Variants in OR52N5 observed in about 807,000 individuals in gnomAD.
OR52N5 encodes olfactory receptor 52N5.
In OR52N5, 10 loss-of-function variants were observed where a neutral mutation model predicts 14.1. The ratio of observed to expected loss-of-function variants is 0.71; its 90% confidence interval spans 0.44 to 1.20. The LOEUF is 1.20. OR52N5 is among the 50% of genes most tolerant of loss of function. The pLI, the probability that OR52N5 is intolerant of heterozygous loss-of-function variation, is 0.00. For synonymous variants in OR52N5, 116 were observed against 143.0 expected, an observed-to-expected ratio of 0.81 and a Z score of 1.35; for missense variants, 361 against 403.2, an observed-to-expected ratio of 0.90 and a Z score of 0.90.
chr11:5,777,477 G>T lies in OR52N5; in HGVS notation c.*183C>A. On this transcript the variant is annotated 3_prime_UTR_variant, in exon 3 of 3. Transcript: ENST00000641181. Reference sequence around the variant, plus strand: ...AAACTGGCAATAGACAAAAATTAAGGGAAAGGCACTGAGATATACATCCAG... The same window carrying T: ...AAACTGGCAATAGACAAAAATTAAGTGAAAGGCACTGAGATATACATCCAG... 2.6e-6 allele frequency: 1 copy of T among 383,406 alleles called. No individual in the cohort carries two copies. 23.8% of individuals were successfully genotyped at this position (383,406 alleles called of 1,614,324 possible).
rs148491225 is a variant in OR52N5 at position 5,778,875 on chromosome 11, A to AT, written c.-23-219dup. On this transcript the variant is annotated intron_variant, in intron 2 of 2. Coordinates refer to ENST00000641181, the MANE Select transcript of OR52N5 (RefSeq NM_001385662.1). ...TCCATAGCCATAAGTAAAAAGTTGT[A>AT]TTTTTTTTACCACAAAATAAAAGTA... Among the ~76,000 whole-genome samples, 515 of 139,788 alleles carry AT rather than the reference A, an allele frequency of 3.7e-3. 89 individuals carry two copies. The East Asian group carries it at 0.051, about 14-fold the overall frequency. 91.7% of individuals were successfully genotyped at this position (139,788 alleles called of 152,430 possible).
chr11:5,779,624 A>G lies in OR52N5; in HGVS notation c.-23-967T>C, dbSNP rs146187038. Among the ~76,000 whole-genome samples the G allele has an allele frequency of 1.6e-3, 231 of 140,060 alleles. 35 individuals carry two copies. The highest frequency in any genetic ancestry group is 5.8e-3 in the African/African-American group (222 of 38,440). 91.9% of individuals were successfully genotyped at this position (140,060 alleles called of 152,430 possible). A position where few individuals can be genotyped will look rare whatever the true frequency, so the allele number is the denominator to read the frequency against. ...AATTTTCAGATAATTACTTGTATAA[A>G]TAAGTTATGCCACAGCTGTTGAGTC... is the stretch of plus-strand genomic sequence containing the variant. On this transcript the variant is annotated intron_variant, in intron 2 of 2. Transcript: ENST00000641181.
chr11:5,782,567 A>G (rs1183334666), intron 1 of OR52N5, among the ~76,000 whole-genome samples: 1 of 140,192 alleles, frequency 7.1e-6, no homozygotes, highest in Non-Finnish European at 1.6e-5. Context: ...TGTCTACACT[A>G]AATACTGGTG....
intron 2 of OR52N5, among the ~76,000 whole-genome samples, chr11:5,780,663 G>T (rs1564963978): frequency 1.4e-5 from 2 of 139,290 alleles, no homozygotes; most frequent in Non-Finnish European, 3.2e-5. Context: ...ATTGAATAAT[G>T]TAGAAAAAAT....
rs1564963401 is a variant in OR52N5, at chr11:5,777,899, C to T, written c.736G>A (p.Ala246Thr). Residue 246 changes from alanine (A) to threonine (T), a missense_variant, in exon 3 of 3, where the codon GCT becomes ACT. Coordinates refer to ENST00000641181, the MANE Select transcript of OR52N5 (RefSeq NM_001385662.1). The part of the protein sequence containing the change: ...SLSSSDARQK[A>T]FSTCTAHISA... The stretch of plus-strand genomic sequence containing the variant: ...ATATGGGCAGTGCAGGTGCTGAAAG[C>T]CTTCTGCCGAGCATCTGATGAAGAG... 2.0e-6 allele frequency: 3 copies of T among 1,520,970 alleles called. No homozygotes were observed. The highest frequency in any genetic ancestry group is 2.7e-6 in the Non-Finnish European group (3 of 1,114,436). 94.2% of individuals were successfully genotyped at this position (1,520,970 alleles called of 1,614,324 possible). A position where few individuals can be genotyped will look rare whatever the true frequency, so the allele number is the denominator to read the frequency against.
At position 5,778,086 on chromosome 11, in the gene OR52N5, G is replaced by A; in HGVS notation, c.549C>T (p.Ile183=). 6.6e-7 allele frequency: 1 copy of A among 1,518,980 alleles called. No homozygotes were observed. The highest frequency in any genetic ancestry group is 9.0e-7 in the Non-Finnish European group (1 of 1,112,194). 94.1% of individuals were successfully genotyped at this position (1,518,980 alleles called of 1,614,324 possible). Residue 183 remains isoleucine (I), a synonymous_variant, in exon 3 of 3, where the codon ATC becomes ATT. Transcript: ENST00000641181. ...ACATGTGGTCGCAGTACGTATGGGA[G>A]ATAATATTGCTTTGGCAGAAAGGCA... ...KRLPFCQSNI[I]SHTYCDHMSV...
rs781365904 is a variant in OR52N5, at chr11:5,778,351, C to A, written c.284G>T (p.Trp95Leu). 32 of 1,519,982 alleles carry A rather than the reference C, an allele frequency of 2.1e-5. 4 individuals carry two copies. In the South Asian group the frequency reaches 3.5e-4, roughly 17 times the overall value. The allele number at this position is 1,519,982 out of a possible 1,614,324, so 94.2% of individuals were successfully genotyped here. Residue 95 changes from tryptophan to leucine, a missense_variant, in exon 3 of 3, where the codon TGG becomes TTG. Physicochemically the swap from Trp to Leu is moderately conservative, Grantham distance 61. Transcript: ENST00000641181. Reference sequence around the variant, plus strand: ...GAAGTTAATTTCTTTGAGACTGAACCAGAAGATGCAGAGTGCATTGGGTAG... The same window carrying A: ...GAAGTTAATTTCTTTGAGACTGAACAAGAAGATGCAGAGTGCATTGGGTAG... ...TTLPNALCIF[W>L]FSLKEINFNA...
rs981552108 is a variant in OR52N5 at position 5,776,768 on chromosome 11, C to T, written c.*892G>A. ...TTTTATGATGCCACATTTTCTTTATCCACTTCTCTGTTGATGGACACAGGT... is the reference window on the plus strand; with the variant it reads ...TTTTATGATGCCACATTTTCTTTATTCACTTCTCTGTTGATGGACACAGGT... On this transcript the variant is annotated 3_prime_UTR_variant, in exon 3 of 3. Transcript: ENST00000641181. 1 of 140,612 alleles carries T rather than the reference C, an allele frequency of 7.1e-6. No individual in the cohort carries two copies. The highest frequency in any genetic ancestry group is 1.6e-5 in the Non-Finnish European group (1 of 63,500). The allele number at this position is 140,612 out of a possible 1,614,324, so 8.7% of individuals were successfully genotyped here.
At chr11:5,782,978 T>G (rs144576837) in intron 1 of OR52N5, among the ~76,000 whole-genome samples, 1 of 138,448 alleles carries the variant, frequency 7.2e-6, no homozygotes, top group Admixed American at 7.5e-5. Flanking sequence ...TACTGTCCAC[T>G]TCTCTGACCC....
chr11:5,783,046 C>T (rs1854560849), intron 1 of OR52N5, among the ~76,000 whole-genome samples: 1 of 138,764 alleles, frequency 7.2e-6, no homozygotes, highest in African/African-American at 2.6e-5. Flanking sequence ...AGAGGAGTTC[C>T]TTAAATTCTA....
In OR52N5 at chr11:5,777,741, G is replaced by T. The variant is rs747587083; in HGVS notation, c.894C>A (p.Asn298Lys). Reference sequence around the variant, plus strand: ...TTGTCTTTACTCCATAAACAATAGGGTTTAGAGTTGGGGGAAGAAGAAGAT... The same window carrying T: ...TTGTCTTTACTCCATAAACAATAGGTTTTAGAGTTGGGGGAAGAAGAAGAT... Reference protein sequence around the residue: ...NLYLLLPPTLNPIVYGVKTKQ... With the variant: ...NLYLLLPPTLKPIVYGVKTKQ... Residue 298 changes from asparagine to lysine, a missense_variant, in exon 3 of 3, where the codon AAC becomes AAA. By Grantham distance (94) the Asn-to-Lys change is moderately conservative. Coordinates refer to ENST00000641181, the MANE Select transcript of OR52N5 (RefSeq NM_001385662.1). 1 of 1,517,294 alleles carries T rather than the reference G, an allele frequency of 6.6e-7. No homozygotes were observed. Among genetic ancestry groups the T allele is most frequent in the Non-Finnish European group, 9.0e-7 (1 of 1,111,486 alleles). The allele number at this position is 1,517,294 out of a possible 1,614,324, so 94.0% of individuals were successfully genotyped here. A position where few individuals can be genotyped will look rare whatever the true frequency, so the allele number is the denominator to read the frequency against.
Position 5,778,339 on chromosome 11 carries a change from T to C in OR52N5, c.296A>G (p.Lys99Arg). The C allele has an allele frequency of 1.3e-6, 2 of 1,520,134 alleles. No homozygotes were observed. The highest frequency in any genetic ancestry group is 1.8e-6 in the Non-Finnish European group (2 of 1,114,166). The allele number at this position is 1,520,134 out of a possible 1,614,324, so 94.2% of individuals were successfully genotyped here. A position where few individuals can be genotyped will look rare whatever the true frequency, so the allele number is the denominator to read the frequency against. ...NALCIFWFSL[K>R]EINFNACLAQ... ...CAAGCAAGCATTGAAGTTAATTTCT[T>C]TGAGACTGAACCAGAAGATGCAGAG... Residue 99 changes from lysine (K) to arginine (R), a missense_variant, in exon 3 of 3, where the codon AAA becomes AGA. Lys to Arg is a conservative substitution (Grantham distance 26). Transcript: ENST00000641181.
intron 2 of OR52N5, 89 bp from the exon 3 acceptor site, chr11:5,778,746 G>C: frequency 1.5e-6 from 1 of 678,626 alleles, no homozygotes; most frequent in Non-Finnish European, 2.4e-6. Context: ...GTTTATAATG[G>C]CACCAACAAT....
chr11:5,777,922 G>C lies in OR52N5; in HGVS notation c.713C>G (p.Ser238Cys), dbSNP rs1854509893. 5.3e-6 allele frequency: 8 copies of C among 1,521,754 alleles called. 2 individuals are homozygous for C. Among genetic ancestry groups the C allele is most frequent in the Admixed American group, 1.8e-5 (1 of 55,580 alleles). 94.3% of individuals were successfully genotyped at this position (1,521,754 alleles called of 1,614,324 possible). A position where few individuals can be genotyped will look rare whatever the true frequency, so the allele number is the denominator to read the frequency against. Residue 238 changes from serine to cysteine, a missense_variant, in exon 3 of 3, where the codon TCT (serine) becomes TGT (cysteine). By Grantham distance (112) the Ser-to-Cys change is moderately radical. Coordinates refer to ENST00000641181, the MANE Select transcript of OR52N5 (RefSeq NM_001385662.1). ...AGCCTTCTGCCGAGCATCTGATGAA[G>C]AGAGGCTGATCGCTGCCTTGAGGAT... ...TLILKAAISLSSSDARQKAFS... is the reference protein window; with the variant it reads ...TLILKAAISLCSSDARQKAFS...
chr11:5,776,967 C>T lies in OR52N5; in HGVS notation c.*693G>A, dbSNP rs1265179680. 2 of 138,668 alleles carry T rather than the reference C, an allele frequency of 1.4e-5. No homozygotes were observed. The highest frequency in any genetic ancestry group is 1.6e-5 in the Non-Finnish European group (1 of 62,960). The allele number at this position is 138,668 out of a possible 1,614,324, so 8.6% of individuals were successfully genotyped here. ...GAGATAGAGAGTAGACTGGTGGTTA[C>T]CAGATGCTGGGAATGGTGGGAGGAA... On this transcript the variant is annotated 3_prime_UTR_variant, in exon 3 of 3. Transcript: ENST00000641181.
At chr11:5,780,165 T>C (rs1314849467) in intron 2 of OR52N5, among the ~76,000 whole-genome samples, 2 of 139,936 alleles carry the variant, frequency 1.4e-5, no homozygotes, top group Admixed American at 7.4e-5. Context: ...AGAACAGGGC[T>C]CAAATTCCTT....
At position 5,780,905 on chromosome 11, in the gene OR52N5, A is replaced by T. The variant is rs1854545320; in HGVS notation, c.-24+628T>A. ...ACATACAAAAATCAACTTAAAATAGATTAAAGACTTAAATGCCTGATGCTT... is the reference window on the plus strand; with the variant it reads ...ACATACAAAAATCAACTTAAAATAGTTTAAAGACTTAAATGCCTGATGCTT... On this transcript the variant is annotated intron_variant, in intron 2 of 2. Coordinates refer to ENST00000641181, the MANE Select transcript of OR52N5 (RefSeq NM_001385662.1). Among the ~76,000 whole-genome samples, 3 of 140,404 alleles carry T rather than the reference A, an allele frequency of 2.1e-5. No homozygotes were observed. The South Asian group carries it at 7.0e-4, about 33-fold the overall frequency. The allele number at this position is 140,404 out of a possible 152,430, so 92.1% of individuals were successfully genotyped here.
rs1480069420 is a variant in OR52N5, at chr11:5,781,806, C to T, written c.-247-50G>A. On this transcript the variant is annotated intron_variant, in intron 1 of 2. Transcript: ENST00000641181. ...CTTTGAATTACCACTTTATCCTAAC[C>T]TCCAGAAAATGTGGATGAATCAGGA... 2 of 140,794 alleles carry T rather than the reference C, an allele frequency of 1.4e-5. 1 individual carries two copies. The highest frequency in any genetic ancestry group is 3.1e-5 in the Non-Finnish European group (2 of 63,544). The allele number at this position is 140,794 out of a possible 1,614,324, so 8.7% of individuals were successfully genotyped here. A position where few individuals can be genotyped will look rare whatever the true frequency, so the allele number is the denominator to read the frequency against.
At chr11:5,779,572 G>A (rs1431910835) in intron 2 of OR52N5, among the ~76,000 whole-genome samples, 1 of 138,786 alleles carries the variant, frequency 7.2e-6, no homozygotes, top group South Asian at 2.4e-4. Flanking sequence ...TTACTCTTAT[G>A]ACCTCAAGTA....
Sources: gnomAD v4.1 joint callset for allele counts (sites outside exome capture counted in the v4.1 genomes callset) on GRCh38, gnomAD v4.1.1 for gene constraint, MANE v1.5 for transcripts, NCBI Gene and HGNC (gene_info 2026-07-23, HGNC 2026-07-21) for gene names.